Variants in AMPH observed in about 807,000 individuals in gnomAD.
AMPH encodes amphiphysin.
Under a neutral mutation model 99.1 loss-of-function variants are expected in AMPH, and 49 were observed. The observed-to-expected ratio is 0.49, with a 90% confidence interval of 0.39 to 0.63. The LOEUF (loss-of-function observed/expected upper bound fraction) is 0.63. AMPH is among the 20% of genes least tolerant of loss of function. The pLI is 0.00. For synonymous variants in AMPH, 314 were observed against 317.3 expected (o/e 0.99, Z 0.11); for missense variants, 759 against 863.4 (o/e 0.88, Z 1.52).
chr7:38,445,010 T>TATATATATATATATAGACACACAC, intron 11 of AMPH, among the ~76,000 whole-genome samples: 1 of 125,982 alleles, frequency 7.9e-6, no homozygotes, highest in Non-Finnish European at 1.7e-5. Context: ...TATATATATA[T>TATATATATATATATAGACACACAC]ACACACACAC....
intron 17 of AMPH, among the ~76,000 whole-genome samples, chr7:38,408,866 G>A (rs565363104): frequency 4.0e-5 from 6 of 151,596 alleles, no homozygotes; most frequent in South Asian, 4.2e-4. Context: ...GGATTTCATC[G>A]TTAAGTTATG....
At chr7:38,480,282 G>A (rs187717366) in intron 5 of AMPH, among the ~76,000 whole-genome samples, 12 of 152,220 alleles carry the variant, frequency 7.9e-5, no homozygotes, top group African/African-American at 2.6e-4. Context: ...ACCAGCGCCA[G>A]GAGTAGGGTG....
At chr7:38,537,119 A>C (rs1348537940) in intron 1 of AMPH, among the ~76,000 whole-genome samples, 2 of 152,230 alleles carry the variant, frequency 1.3e-5, no homozygotes, top group African/African-American at 2.4e-5. Flanking sequence ...ATTAGATTTT[A>C]GTACAAGTTA....
At chr7:38,509,512 A>G (rs1789457492) in intron 2 of AMPH, among the ~76,000 whole-genome samples, 1 of 152,206 alleles carries the variant, frequency 6.6e-6, no homozygotes, top group Non-Finnish European at 1.5e-5. Context: ...GTTTATACAG[A>G]TCTCCATTCG....
intron 1 of AMPH, among the ~76,000 whole-genome samples, chr7:38,581,551 A>G (rs75618632): frequency 1.5e-3 from 222 of 152,250 alleles, no homozygotes; most frequent in African/African-American, 5.1e-3. Context: ...TCTGAGTGAC[A>G]TGAAAAGTTG....
chr7:38,474,048 GT>G (rs1040914762), intron 7 of AMPH, among the ~76,000 whole-genome samples: 1 of 151,972 alleles, frequency 6.6e-6, no homozygotes, highest in African/African-American at 2.4e-5. Flanking sequence ...AGAAAGAAAT[GT>G]AAGGGCAAGA....
chr7:38,406,719 T>TC (rs200108617), intron 17 of AMPH, among the ~76,000 whole-genome samples: 2,217 of 117,450 alleles, frequency 0.019, 36 homozygotes, highest in East Asian at 0.05. Context: ...CTCTCCTCTC[T>TC]CTCTCCCTTT....
Position 38,461,382 on chromosome 7 carries a change from T to C in AMPH, c.918A>G (p.Leu306=), listed in dbSNP as rs758702921. ...QTRKGPPVPP[L]PKVTPTKELQ... ...GTTCCTTTGTCGGGGTGACTTTAGG[T>C]AGAGGTGGGACAGGAGGCCCTTTCC... Residue 306 remains leucine, a synonymous_variant, in exon 11 of 21, where the codon CTA becomes CTG. Transcript: ENST00000356264. 1 of 1,614,088 alleles carries C rather than the reference T, an allele frequency of 6.2e-7. No homozygotes were observed. The highest frequency in any genetic ancestry group is 8.5e-7 in the Non-Finnish European group (1 of 1,179,980).
chr7:38,514,496 C>T (rs745357709), intron 2 of AMPH, among the ~76,000 whole-genome samples: 3 of 152,204 alleles, frequency 2.0e-5, no homozygotes, highest in Non-Finnish European at 2.9e-5. Flanking sequence ...CCTGCCAAAA[C>T]TCATGTTGAA....
chr7:38,599,270 G>A (rs1793164556), intron 1 of AMPH, among the ~76,000 whole-genome samples: 1 of 152,134 alleles, frequency 6.6e-6, no homozygotes, highest in African/African-American at 2.4e-5. Context: ...ACTGGTCCAT[G>A]GACTTTCTTC....
intron 11 of AMPH, among the ~76,000 whole-genome samples, chr7:38,438,574 C>CTTTTTTTTTTTTTTTTTTTTT (rs1786381908): frequency 6.6e-6 from 1 of 151,928 alleles, no homozygotes; most frequent in Non-Finnish European, 1.5e-5. Flanking sequence ...TCATTATTTC[C>CTTTTTTTTTTTTTTTTTTTTT]TTTTAAGCAT....
chr7:38,421,826 C>G (rs1785589805), intron 16 of AMPH, among the ~76,000 whole-genome samples: 1 of 152,182 alleles, frequency 6.6e-6, no homozygotes, highest in Non-Finnish European at 1.5e-5. Flanking sequence ...TACTAGTAAG[C>G]TTTAAGCTGT....
intron 1 of AMPH, among the ~76,000 whole-genome samples, chr7:38,576,201 C>A (rs1052680405): frequency 6.6e-6 from 1 of 152,158 alleles, no homozygotes; most frequent in Non-Finnish European, 1.5e-5. Context: ...TCAAACCTTT[C>A]AAAGGAGTCC....
At chr7:38,592,465 C>G (rs922141121) in intron 1 of AMPH, among the ~76,000 whole-genome samples, 2 of 152,180 alleles carry the variant, frequency 1.3e-5, no homozygotes, top group African/African-American at 4.8e-5. Context: ...GGCATGTTGG[C>G]TCAAGCCTGT....
intron 1 of AMPH, among the ~76,000 whole-genome samples, chr7:38,629,654 G>A (rs1404743112): frequency 6.6e-6 from 1 of 152,244 alleles, no homozygotes; most frequent in African/African-American, 2.4e-5. Context: ...CAGATGGAAA[G>A]TGGATTCAGT....
intron 17 of AMPH, among the ~76,000 whole-genome samples, chr7:38,396,261 G>A (rs566952214): frequency 1.3e-5 from 2 of 152,254 alleles, no homozygotes; most frequent in Non-Finnish European, 2.9e-5. Context: ...AATCATGGGG[G>A]TGGGTCTTTC....
intron 14 of AMPH, among the ~76,000 whole-genome samples, chr7:38,427,489 C>T (rs1229612746): frequency 1.3e-5 from 2 of 152,168 alleles, no homozygotes; most frequent in Admixed American, 6.5e-5. Context: ...TGGTTTAGCA[C>T]ATTTTTAGTA....
chr7:38,549,057 T>G (rs570432366), intron 1 of AMPH, among the ~76,000 whole-genome samples: 1 of 152,358 alleles, frequency 6.6e-6, no homozygotes, highest in East Asian at 1.9e-4. Context: ...CAGCTCAATT[T>G]TTCAGGCTGA....
intron 5 of AMPH, among the ~76,000 whole-genome samples, chr7:38,478,766 T>C (rs1247975506): frequency 6.6e-6 from 1 of 152,100 alleles, no homozygotes; most frequent in Admixed American, 6.6e-5. Context: ...ATAGAAACGT[T>C]AATGGTCAAA....
Sources: gnomAD v4.1 joint callset for allele counts (sites outside exome capture counted in the v4.1 genomes callset) on GRCh38, gnomAD v4.1.1 for gene constraint, MANE v1.5 for transcripts, NCBI Gene and HGNC (gene_info 2026-07-23, HGNC 2026-07-21) for gene names.